CUX2: variants seen among roughly 807,000 people sequenced by gnomAD.
CUX2 encodes the protein homeobox protein cut-like 2.
In CUX2, 40 loss-of-function variants were observed where a neutral mutation model predicts 144.8. The ratio of observed to expected loss-of-function variants is 0.28; its 90% CI spans 0.21 to 0.36. CUX2 has a LOEUF of 0.36. Among genes scored for constraint, CUX2 ranks in the 10% least tolerant of loss-of-function variants. The probability of loss-of-function intolerance (pLI) is 1.00; values close to 1 mark genes in which losing one functional copy is unlikely to be tolerated. For missense variants in CUX2, 1,615 were observed against 1,994.0 expected (o/e 0.81, Z 3.62); for synonymous variants, 827 against 875.6 (o/e 0.94, Z 0.98).
In CUX2 at chr12:111,053,044, G is replaced by A. The variant is rs146093499; in HGVS notation, c.63+18804G>A. Among the ~76,000 whole-genome samples, 350 of 152,070 alleles carry A rather than the reference G, an allele frequency of 2.3e-3. 2 individuals carry two copies. Among genetic ancestry groups the A allele is most frequent in the African/African-American group, 8.1e-3 (334 of 41,468 alleles). ...GCAGGGGCAAAGCAGGGTTATTGCC[G>A]AACAGACTGGCTCTGCTCTTGCCAG... On this transcript the variant is annotated intron_variant, in intron 1 of 21. Transcript: ENST00000261726.
At chr12:111,285,296 T>C (rs1321368203) in intron 4 of CUX2, among the ~76,000 whole-genome samples, 6 of 152,124 alleles carry the variant, frequency 3.9e-5, no homozygotes, top group Non-Finnish European at 1.5e-5. Context: ...CTGGGTCAGA[T>C]GGGACCAGAG....
At chr12:111,259,406 C>T (rs955672671) in intron 3 of CUX2, among the ~76,000 whole-genome samples, 3 of 152,052 alleles carry the variant, frequency 2.0e-5, no homozygotes, top group Non-Finnish European at 4.4e-5. Flanking sequence ...AGTGACCATG[C>T]CTTTGTTCCA....
chr12:111,130,563 A>G (rs1488032807), intron 1 of CUX2, among the ~76,000 whole-genome samples: 2 of 152,260 alleles, frequency 1.3e-5, no homozygotes, highest in African/African-American at 2.4e-5. Context: ...ACAGAGAAGA[A>G]TGATCTCAGA....
chr12:111,139,665 T>C (rs1275825259), intron 1 of CUX2, among the ~76,000 whole-genome samples: 1 of 152,110 alleles, frequency 6.6e-6, no homozygotes, highest in East Asian at 1.9e-4. Flanking sequence ...TTGACAAAAA[T>C]CTGCTATACA....
At chr12:111,199,057 G>T (rs942002665) in intron 1 of CUX2, among the ~76,000 whole-genome samples, 1 of 152,182 alleles carries the variant, frequency 6.6e-6, no homozygotes, top group Admixed American at 6.5e-5. Flanking sequence ...GGCAAGGGTG[G>T]GTGCGGAGAG....
In CUX2 at chr12:111,347,738, G is replaced by A. The variant is rs376380265; in HGVS notation, c.3874G>A (p.Asp1292Asn). Reference sequence around the variant, plus strand: ...GAACAGCACACCCCTGACCACCCAGGACAAGGCCCAAGTGAGGATCAAGCA... The same window carrying A: ...GAACAGCACACCCCTGACCACCCAGAACAAGGCCCAAGTGAGGATCAAGCA... ...EENSTPLTTQ[D>N]KAQVRIKQEQ... Residue 1292 changes from aspartate to asparagine, a missense_variant, in exon 22 of 22, where the codon GAC becomes AAC. Transcript: ENST00000261726. 9 of 1,613,894 alleles carry A rather than the reference G, an allele frequency of 5.6e-6. No homozygotes were observed. In the Admixed American group the frequency reaches 1.3e-4, roughly 24 times the overall value.
At chr12:111,111,388 C>G (rs1027367888) in intron 1 of CUX2, among the ~76,000 whole-genome samples, 5 of 152,102 alleles carry the variant, frequency 3.3e-5, no homozygotes, top group Admixed American at 2.0e-4. Flanking sequence ...CGCTAATGAT[C>G]TACTGGGAGT....
intron 6 of CUX2, among the ~76,000 whole-genome samples, chr12:111,294,585 CAAAAAAA>C (rs35222521): frequency 6.2e-4 from 62 of 100,050 alleles, no homozygotes; most frequent in Middle Eastern, 5.7e-3. Flanking sequence ...CCTATCTTTT[CAAAAAAA>C]AAAAAAAAAA....
chr12:111,062,753 G>A (rs117681663), intron 1 of CUX2, among the ~76,000 whole-genome samples: 1 of 152,350 alleles, frequency 6.6e-6, no homozygotes, highest in East Asian at 1.9e-4. Flanking sequence ...ACAGGGACCA[G>A]CTTTAGTCTG....
intron 16 of CUX2, among the ~76,000 whole-genome samples, chr12:111,315,272 T>C (rs900291101): frequency 1.3e-5 from 2 of 151,992 alleles, no homozygotes; most frequent in African/African-American, 4.8e-5. Flanking sequence ...GGGACAGGGG[T>C]TTATATATAA....
At chr12:111,069,166 G>A (rs1871147010) in intron 1 of CUX2, among the ~76,000 whole-genome samples, 2 of 152,298 alleles carry the variant, frequency 1.3e-5, no homozygotes, top group African/African-American at 4.8e-5. Flanking sequence ...AAATCTCTGA[G>A]CCTCAGTTTT....
chr12:111,268,908 C>T (rs1256972472), intron 4 of CUX2, among the ~76,000 whole-genome samples: 1 of 152,204 alleles, frequency 6.6e-6, no homozygotes, highest in Non-Finnish European at 1.5e-5. Flanking sequence ...CCAGGCAGCG[C>T]TCTCCCACGG....
intron 1 of CUX2, among the ~76,000 whole-genome samples, chr12:111,196,109 C>G (rs1880224879): frequency 6.6e-6 from 1 of 152,210 alleles, no homozygotes; most frequent in Non-Finnish European, 1.5e-5. Flanking sequence ...TGGGATTATA[C>G]AATCTGTGGT....
chr12:111,100,007 T>C (rs1425548655), intron 1 of CUX2: 2 of 457,294 alleles, frequency 4.4e-6, no homozygotes, highest in Non-Finnish European at 8.8e-6. Flanking sequence ...TTTTTGCACA[T>C]TCGCTTTTTA....
intron 1 of CUX2, among the ~76,000 whole-genome samples, chr12:111,087,140 G>A (rs907940324): frequency 2.0e-4 from 30 of 151,982 alleles, no homozygotes; most frequent in African/African-American, 7.2e-4. Context: ...CAGGCGGATT[G>A]AGGTCAGGAG....
intron 9 of CUX2, among the ~76,000 whole-genome samples, chr12:111,299,748 G>A (rs2136348475): frequency 6.6e-6 from 1 of 152,302 alleles, no homozygotes; most frequent in African/African-American, 2.4e-5. Context: ...AACTCAAGAA[G>A]CTACACAAGG....
rs765789593 is a variant in CUX2, at chr12:111,332,128, C to CTT, written c.2927-2293_2927-2292dup. Among the ~76,000 whole-genome samples, 1,016 of 119,554 alleles carry CTT rather than the reference C, an allele frequency of 8.5e-3. 35 individuals carry two copies. The highest frequency in any genetic ancestry group is 0.033 in the African/African-American group (923 of 28,278). The allele number at this position is 119,554 out of a possible 152,430, so 78.4% of individuals were successfully genotyped here. A position where few individuals can be genotyped will look rare whatever the true frequency, so the allele number is the denominator to read the frequency against. On this transcript the variant is annotated intron_variant, in intron 18 of 21. Transcript: ENST00000261726. ...AAATGTAGTTTAAAAATCTGTCTAC[C>CTT]TTTTTTTTTTTTTTTTTTTTTGGAA...
intron 3 of CUX2, among the ~76,000 whole-genome samples, chr12:111,245,057 C>G (rs1883212246): frequency 6.6e-6 from 1 of 152,114 alleles, no homozygotes; most frequent in African/African-American, 2.4e-5. Flanking sequence ...CATCCAAGCC[C>G]CCCTACTCTG....
chr12:111,307,028 C>T lies in CUX2; in HGVS notation c.966C>T (p.Ser322=). 6.2e-7 allele frequency: 1 copy of T among 1,613,940 alleles called. No individual in the cohort carries two copies. Among genetic ancestry groups the T allele is most frequent in the Non-Finnish European group, 8.5e-7 (1 of 1,179,982 alleles). ...RLLKDVQHLQ[S]SLQELEEASA... ...TGAAGGACGTGCAGCACCTCCAGAGCTCACTGCAGGAGCTGGAGGAGGCAT... is the reference window on the plus strand; with the variant it reads ...TGAAGGACGTGCAGCACCTCCAGAGTTCACTGCAGGAGCTGGAGGAGGCAT... The change falls in exon 11 of 22, where the codon AGC becomes AGT. Residue 322 remains serine, a synonymous_variant. Transcript: ENST00000261726. This position sits in a 1 kb window ranked among gnomAD's most constrained non-coding sequence, Gnocchi z 4.1.
Sources: gnomAD v4.1 joint callset for allele counts (sites outside exome capture counted in the v4.1 genomes callset) on GRCh38, gnomAD v4.1.1 for gene constraint, Gnocchi (gnomAD v3.1) non-coding constraint, MANE v1.5 for transcripts, NCBI Gene and HGNC (gene_info 2026-07-23, HGNC 2026-07-21) for gene names.